MEIG1: variants seen among roughly 807,000 people sequenced by gnomAD.
MEIG1 encodes the protein meiosis/spermiogenesis associated 1, also known as meiosis expressed gene 1 protein homolog.
A neutral mutation model predicts 11.3 loss-of-function variants in MEIG1; 12 were observed. The ratio of observed to expected loss-of-function variants is 1.07; its 90% CI spans 0.68 to 1.73. The LOEUF (loss-of-function observed/expected upper bound fraction) is 1.73. Among genes scored for constraint, MEIG1 ranks in the 40% most tolerant of loss-of-function variants. MEIG1 has a pLI of 0.00. For synonymous variants in MEIG1, 41 were observed against 33.2 expected, an observed-to-expected ratio of 1.24 and a Z score of -0.81; for missense variants, 119 against 104.9, an observed-to-expected ratio of 1.13 and a Z score of -0.59.
intron 1 of MEIG1, among the ~76,000 whole-genome samples, chr10:14,978,426 G>A (rs763231471): frequency 6.6e-5 from 10 of 151,776 alleles, no homozygotes; most frequent in Non-Finnish European, 1.0e-4. Context: ...AACCAAAGGC[G>A]TGTGTTCCCC....
At chr10:14,984,239 A>C (rs1287320740) in intron 1 of MEIG1, among the ~76,000 whole-genome samples, 1 of 89,142 alleles carries the variant, frequency 1.1e-5, no homozygotes, top group Non-Finnish European at 2.0e-5. Flanking sequence ...TGTGGATCGT[A>C]ATATCCAGGG....
intron 1 of MEIG1, among the ~76,000 whole-genome samples, chr10:14,982,594 A>AC (rs199851921): frequency 0.11 from 17,483 of 152,062 alleles, 1,130 homozygotes; most frequent in Middle Eastern, 0.23. Flanking sequence ...ACACAAAAAC[A>AC]GCCTCTCCAC....
At chr10:14,965,023 G>A (rs888270892) in intron 1 of MEIG1, among the ~76,000 whole-genome samples, 1 of 152,006 alleles carries the variant, frequency 6.6e-6, no homozygotes, top group Non-Finnish European at 1.5e-5. Flanking sequence ...CTGACCTCAG[G>A]TCTCCTGACT....
At chr10:14,974,919 T>C (rs1843194996), downstream of MEIG1, among the ~76,000 whole-genome samples, 1 of 152,110 alleles carries the variant, frequency 6.6e-6, no homozygotes, top group Non-Finnish European at 1.5e-5. Context: ...TGAGGATGAA[T>C]TAATACTAAT....
upstream of MEIG1, among the ~76,000 whole-genome samples, chr10:14,955,565 A>G (rs1842923905): frequency 6.6e-6 from 1 of 152,164 alleles, no homozygotes; most frequent in Non-Finnish European, 1.5e-5. Context: ...TCGGCCGGGC[A>G]TGGTGGCACA....
intron 1 of MEIG1, among the ~76,000 whole-genome samples, chr10:14,984,257 G>A (rs895528827): frequency 6.6e-6 from 1 of 151,858 alleles, no homozygotes; most frequent in Non-Finnish European, 1.5e-5. Flanking sequence ...GGGTGGGAGA[G>A]GGGGGTGATA....
intron 1 of MEIG1, among the ~76,000 whole-genome samples, chr10:14,981,000 G>T (rs1843257272): frequency 6.6e-6 from 1 of 152,148 alleles, no homozygotes; most frequent in Non-Finnish European, 1.5e-5. Context: ...GTAGACCTTG[G>T]TCTGTGGCTT....
At chr10:14,976,972 A>C (rs1317457962), downstream of MEIG1, among the ~76,000 whole-genome samples, 1 of 151,900 alleles carries the variant, frequency 6.6e-6, no homozygotes, top group African/African-American at 2.4e-5. Flanking sequence ...ATTCTCTGAC[A>C]TTATTCGTTA....
chr10:14,982,176 C>T (rs1397498258), intron 1 of MEIG1, among the ~76,000 whole-genome samples: 1 of 152,160 alleles, frequency 6.6e-6, no homozygotes, highest in South Asian at 2.1e-4. Flanking sequence ...GGACTTTCTT[C>T]TTTTTCCTGA....
intron 1 of MEIG1, chr10:14,986,712 C>A (rs1025933902): frequency 1.0e-5 from 3 of 295,486 alleles, no homozygotes; most frequent in South Asian, 3.2e-5. Flanking sequence ...TGAGTTCAAG[C>A]GCTTCTTGGG....
At chr10:14,984,154 G>A (rs1049161755) in intron 1 of MEIG1, among the ~76,000 whole-genome samples, 1 of 151,926 alleles carries the variant, frequency 6.6e-6, no homozygotes, top group Non-Finnish European at 1.5e-5. Context: ...TGACCACGGT[G>A]GATCGTCATA....
At chr10:14,978,307 C>A (rs1242819909) in intron 1 of MEIG1, among the ~76,000 whole-genome samples, 1 of 151,872 alleles carries the variant, frequency 6.6e-6, no homozygotes, top group African/African-American at 2.4e-5. Context: ...TGTATGAAAA[C>A]GTACTGTGAT....
chr10:14,984,667 T>C (rs1314099110), intron 1 of MEIG1, among the ~76,000 whole-genome samples: 2 of 152,156 alleles, frequency 1.3e-5, no homozygotes, highest in African/African-American at 4.8e-5. Context: ...CCTTGTAAGA[T>C]GTCACTCCTC....
At chr10:14,979,438 G>A (rs189005574) in intron 1 of MEIG1, among the ~76,000 whole-genome samples, 2 of 151,750 alleles carry the variant, frequency 1.3e-5, no homozygotes, top group Admixed American at 6.6e-5. Context: ...ATATACTAGC[G>A]GGATACTACT....
intron 1 of MEIG1, among the ~76,000 whole-genome samples, chr10:14,980,648 A>G (rs1843253681): frequency 1.3e-5 from 2 of 152,132 alleles, no homozygotes; most frequent in Non-Finnish European, 2.9e-5. Context: ...GCAAAAGCTC[A>G]ACCTACTGGA....
chr10:14,986,032 G>C (rs569566335), intron 1 of MEIG1, among the ~76,000 whole-genome samples: 1 of 152,108 alleles, frequency 6.6e-6, no homozygotes, highest in Non-Finnish European at 1.5e-5. Context: ...TAATATCACA[G>C]TGGGTGTACC....
chr10:14,958,005 G>T (rs1054381380), upstream of MEIG1, among the ~76,000 whole-genome samples: 3 of 152,138 alleles, frequency 2.0e-5, no homozygotes, highest in African/African-American at 7.2e-5. Flanking sequence ...CTACAGAGGG[G>T]GCATAGAGAG....
upstream of MEIG1, among the ~76,000 whole-genome samples, chr10:14,958,214 A>G (rs1334130847): frequency 2.0e-5 from 3 of 152,204 alleles, no homozygotes; most frequent in Admixed American, 2.0e-4. Flanking sequence ...TTGTACAATC[A>G]AGTGGATGTT....
intron 1 of MEIG1, among the ~76,000 whole-genome samples, chr10:14,984,688 G>A (rs1281000372): frequency 6.6e-6 from 1 of 152,084 alleles, no homozygotes; most frequent in Non-Finnish European, 1.5e-5. Context: ...TTATCACAGA[G>A]GGTGTACACT....
Sources: gnomAD v4.1 joint callset for allele counts (sites outside exome capture counted in the v4.1 genomes callset) on GRCh38, gnomAD v4.1.1 for gene constraint, MANE v1.5 for transcripts, NCBI Gene and HGNC (gene_info 2026-07-23, HGNC 2026-07-21) for gene names.